Variants in GCNT2 observed in about 807,000 individuals in gnomAD.
The protein encoded by GCNT2 is N-acetyllactosaminide beta-1,6-N-acetylglucosaminyl-transferase.
Under a neutral mutation model 34.2 loss-of-function variants are expected in GCNT2, and 34 were observed. That is an observed-to-expected ratio of 1.00 (90% confidence interval 0.76 to 1.32). The LOEUF (loss-of-function observed/expected upper bound fraction) is 1.32. Ranked by LOEUF, GCNT2 falls within the 40% of genes most tolerant of loss-of-function variation. The pLI is 0.00. For missense variants in GCNT2, 584 were observed against 489.4 expected, an observed-to-expected ratio of 1.19 and a Z score of -1.82; for synonymous variants, 212 against 188.0, an observed-to-expected ratio of 1.13 and a Z score of -1.04.
chr6:10,564,920 A>G (rs752486675), intron 3 of GCNT2, among the ~76,000 whole-genome samples: 79 of 152,060 alleles, frequency 5.2e-4, no homozygotes, highest in Non-Finnish European at 1.2e-4. Flanking sequence ...AATAGTAGAG[A>G]GAGAGAAGCC....
intron 3 of GCNT2, among the ~76,000 whole-genome samples, chr6:10,559,266 G>A (rs373010875): frequency 6.7e-4 from 102 of 152,242 alleles, no homozygotes; most frequent in African/African-American, 2.3e-3. Context: ...ATCTGGATAG[G>A]TGTAGGAGAG....
chr6:10,576,926 T>C (rs565749800), intron 3 of GCNT2, among the ~76,000 whole-genome samples: 5 of 145,080 alleles, frequency 3.4e-5, no homozygotes, highest in Non-Finnish European at 4.4e-5. Context: ...ATAACAATAA[T>C]AATAATAATA....
In GCNT2 at chr6:10,529,178, TGAA is replaced by T. The variant is rs1178827335; in HGVS notation, c.273_275del (p.Glu92del). 2 of 1,614,060 alleles carry T rather than the reference TGAA, an allele frequency of 1.2e-6. No individual in the cohort carries two copies. Among genetic ancestry groups the T allele is most frequent in the Non-Finnish European group, 1.7e-6 (2 of 1,180,026 alleles). On this transcript the variant is annotated inframe_deletion, in exon 3 of 5. Transcript: ENST00000495262. ...GCCACTATGTAACAGAAACACTCTCTGAAGAAGAGGCTGGGTTCCCTTTAGCTT... is the reference window on the plus strand; with the variant it reads ...GCCACTATGTAACAGAAACACTCTCTGAAGAGGCTGGGTTCCCTTTAGCTT...
chr6:10,614,944 T>A (rs1486005641), intron 3 of GCNT2, among the ~76,000 whole-genome samples: 1 of 152,192 alleles, frequency 6.6e-6, no homozygotes, highest in East Asian at 1.9e-4. Flanking sequence ...TGCAGCTTTT[T>A]CCTATAACAG....
intron 3 of GCNT2, among the ~76,000 whole-genome samples, chr6:10,554,882 G>A (rs899721219): frequency 6.6e-6 from 1 of 152,120 alleles, no homozygotes; most frequent in Non-Finnish European, 1.5e-5. Flanking sequence ...AGCTGGAAAC[G>A]CATGAAAAAT....
rs752139864 is a variant in GCNT2, at chr6:10,529,725, G to A, written c.814G>A (p.Asp272Asn). 6.2e-7 allele frequency: 1 copy of A among 1,614,060 alleles called. No homozygotes were observed. Among genetic ancestry groups the A allele is most frequent in the South Asian group, 1.1e-5 (1 of 91,078 alleles). Residue 272 changes from aspartate to asparagine, a missense_variant, in exon 3 of 5, where the codon GAC becomes AAC. Coordinates refer to ENST00000495262, the MANE Select transcript of GCNT2 (RefSeq NM_145649.5). The stretch of plus-strand genomic sequence containing the variant: ...CACGGCCTACGTGGCTCTCACAAGG[G>A]ACTTTGCTAACTTCGTCCTCCAAGA... ...FGTAYVALTR[D>N]FANFVLQDQL...
intron 3 of GCNT2, among the ~76,000 whole-genome samples, chr6:10,618,002 G>A (rs1002277087): frequency 1.3e-4 from 19 of 150,174 alleles, no homozygotes; most frequent in Admixed American, 1.1e-3. Flanking sequence ...TGATCCGCCC[G>A]CCTCGGCCTC....
intron 3 of GCNT2, among the ~76,000 whole-genome samples, chr6:10,577,707 A>G (rs1298815150): frequency 6.6e-6 from 1 of 151,632 alleles, no homozygotes. Context: ...TGCCCAGTTA[A>G]TTTTTGCATT....
At chr6:10,623,714 ACTGT>A (rs1452710014) in intron 4 of GCNT2, among the ~76,000 whole-genome samples, 2 of 151,994 alleles carry the variant, frequency 1.3e-5, no homozygotes, top group Non-Finnish European at 2.9e-5. Context: ...TACTTATTTT[ACTGT>A]CTTTCTTCCC....
At position 10,626,536 on chromosome 6, in the gene GCNT2, C is replaced by T; in HGVS notation, c.1138C>T (p.Leu380=). 6.2e-7 allele frequency: 1 copy of T among 1,613,766 alleles called. No individual in the cohort carries two copies. Among genetic ancestry groups the T allele is most frequent in the Non-Finnish European group, 8.5e-7 (1 of 1,179,686 alleles). The part of the protein sequence containing the change: ...LNTYPLTVEC[L]ELRHRERTLN... ...TACCTACCCCCTTACTGTGGAATGC[C>T]TAGAACTGAGGCATCGCGAAAGAAC... The change falls in exon 5 of 5, where the codon CTA becomes TTA. Residue 380 remains leucine, a synonymous_variant. Transcript: ENST00000495262.
rs1313089409 is a variant in GCNT2, at chr6:10,605,770, G to GA, written c.926-15572dup. Among the ~76,000 whole-genome samples the GA allele has an allele frequency of 9.3e-5, 14 of 150,958 alleles. 1 individual carries two copies. Among genetic ancestry groups the GA allele is most frequent in the Admixed American group, 2.0e-4 (3 of 15,208 alleles). On this transcript the variant is annotated intron_variant, in intron 3 of 4. Coordinates refer to ENST00000495262, the MANE Select transcript of GCNT2 (RefSeq NM_145649.5). ...TGCACCTGCTATCTACTTTGTAAAA[G>GA]AAAAAAAAATCAGTTAAGATTTTCC...
intron 3 of GCNT2, among the ~76,000 whole-genome samples, chr6:10,600,420 A>G (rs1765043512): frequency 6.6e-6 from 1 of 152,182 alleles, no homozygotes; most frequent in African/African-American, 2.4e-5. Context: ...TTATATACAT[A>G]CAGTTCACTC....
intron 3 of GCNT2, among the ~76,000 whole-genome samples, chr6:10,549,204 T>G (rs1762385379): frequency 1.3e-5 from 2 of 152,168 alleles, no homozygotes. Flanking sequence ...ACACGGCATT[T>G]TTCAGCCCAA....
At chr6:10,606,099 G>A (rs1561833467) in intron 3 of GCNT2, among the ~76,000 whole-genome samples, 2 of 152,246 alleles carry the variant, frequency 1.3e-5, no homozygotes, top group Non-Finnish European at 2.9e-5. Flanking sequence ...CAGATCACCT[G>A]AGGTCAGGAG....
Position 10,626,702 on chromosome 6 carries a change from T to A in GCNT2, c.*95T>A. Reference sequence around the variant, plus strand: ...CTTTTGCCTTCGTAATGTTAACCGTTTCAGGACCACGTTTATAGCTTCAGG... The same window carrying A: ...CTTTTGCCTTCGTAATGTTAACCGTATCAGGACCACGTTTATAGCTTCAGG... On this transcript the variant is annotated 3_prime_UTR_variant, in exon 5 of 5. Transcript: ENST00000495262. The A allele has an allele frequency of 1.2e-6, 1 of 867,136 alleles. No individual in the cohort carries two copies. 53.7% of individuals were successfully genotyped at this position (867,136 alleles called of 1,614,324 possible).
chr6:10,627,474 A>G lies in GCNT2; in HGVS notation c.*867A>G, dbSNP rs1302074912. 6.6e-6 allele frequency: 1 copy of G among 152,204 alleles called. No homozygotes were observed. Among genetic ancestry groups the G allele is most frequent in the Non-Finnish European group, 1.5e-5 (1 of 68,050 alleles). The allele number at this position is 152,204 out of a possible 1,614,324, so 9.4% of individuals were successfully genotyped here. A position where few individuals can be genotyped will look rare whatever the true frequency, so the allele number is the denominator to read the frequency against. On this transcript the variant is annotated 3_prime_UTR_variant, in exon 5 of 5. Transcript: ENST00000495262. ...ACTTGCAAAATGGAGACCAAATTCT[A>G]TCCTGTGAGGCTTTTAATTGCACCA...
intron 3 of GCNT2, chr6:10,556,949 T>C (rs1314272699): frequency 6.2e-7 from 1 of 1,614,040 alleles, no homozygotes; most frequent in Non-Finnish European, 8.5e-7. Context: ...CAGAGATCTT[T>C]CTGCCTTCGA....
chr6:10,552,995 C>T (rs985728799), intron 3 of GCNT2, among the ~76,000 whole-genome samples: 15 of 152,344 alleles, frequency 9.8e-5, no homozygotes, highest in Middle Eastern at 3.4e-3. Context: ...TTAACAAACT[C>T]TCTCTGAGCC....
At chr6:10,523,431 GAAAAA>G (rs34628756) in intron 1 of GCNT2, among the ~76,000 whole-genome samples, 4 of 122,492 alleles carry the variant, frequency 3.3e-5, no homozygotes, top group South Asian at 2.4e-4. Context: ...CGTCTCAAAA[GAAAAA>G]AAAAAAAAAA....
Sources: gnomAD v4.1 joint callset for allele counts (sites outside exome capture counted in the v4.1 genomes callset) on GRCh38, gnomAD v4.1.1 for gene constraint, MANE v1.5 for transcripts, NCBI Gene and HGNC (gene_info 2026-07-23, HGNC 2026-07-21) for gene names.